L3MBTL3: variants seen among roughly 807,000 people sequenced by gnomAD.
L3MBTL3 encodes the protein lethal(3)malignant brain tumor-like protein 3.
Under a neutral mutation model 102.3 loss-of-function variants are expected in L3MBTL3, and 27 were observed. The observed-to-expected ratio is 0.26, with a 90% CI of 0.19 to 0.36. L3MBTL3 has a LOEUF of 0.36. Ranked by LOEUF, L3MBTL3 falls within the 10% of genes least tolerant of loss-of-function variation. L3MBTL3 has a pLI of 1.00. For missense variants in L3MBTL3, 798 were observed against 955.3 expected (o/e 0.84, Z 2.17); for synonymous variants, 340 against 320.9 (o/e 1.06, Z -0.64).
intron 18 of L3MBTL3, among the ~76,000 whole-genome samples, chr6:130,100,135 A>G (rs758214882): frequency 6.6e-5 from 10 of 151,616 alleles, no homozygotes; most frequent in Non-Finnish European, 1.0e-4. Flanking sequence ...CTAAGCCCCA[A>G]AGGAACTACT....
intron 2 of L3MBTL3, among the ~76,000 whole-genome samples, chr6:130,023,422 A>G (rs574912414): frequency 1.3e-5 from 2 of 152,322 alleles, no homozygotes; most frequent in South Asian, 2.1e-4. Flanking sequence ...GTTCAAGAAG[A>G]GTAAAATCAG....
chr6:130,051,365 G>A lies in L3MBTL3; in HGVS notation c.406G>A (p.Gly136Arg). Residue 136 changes from glycine to arginine, a missense_variant, in exon 6 of 23, where the codon GGA becomes AGA. Transcript: ENST00000361794. ...YGNVDECLSG[G>R]NYCSQNCARH... Reference sequence around the variant, plus strand: ...CAACGTAGATGAGTGTCTTTCTGGAGGAAACTATTGCAGCCAGAATTGTGC... The same window carrying A: ...CAACGTAGATGAGTGTCTTTCTGGAAGAAACTATTGCAGCCAGAATTGTGC... The A allele has an allele frequency of 1.2e-6, 2 of 1,614,076 alleles. No homozygotes were observed. Among genetic ancestry groups the A allele is most frequent in the Non-Finnish European group, 1.7e-6 (2 of 1,179,936 alleles).
At chr6:130,083,806 G>A (rs1275613084) in intron 15 of L3MBTL3, 101 bp downstream of exon 15, 2 of 513,084 alleles carry the variant, frequency 3.9e-6, no homozygotes, top group South Asian at 3.2e-5. Context: ...ATAGGAATGA[G>A]AAAAAAATAG....
intron 3 of L3MBTL3, 128 bp from the exon 4 acceptor site, chr6:130,049,154 T>C (rs1562264319): frequency 1.6e-6 from 1 of 625,532 alleles, no homozygotes; most frequent in South Asian, 2.0e-5. Context: ...TGTATCAGGA[T>C]ATAATTGTCT....
At position 130,140,545 on chromosome 6, in the gene L3MBTL3, T is replaced by C. The variant is rs1429297152; in HGVS notation, c.*792T>C. 2 of 152,270 alleles carry C rather than the reference T, an allele frequency of 1.3e-5. No individual in the cohort carries two copies. The highest frequency in any genetic ancestry group is 2.1e-4 in the South Asian group (1 of 4,826). 9.4% of individuals were successfully genotyped at this position (152,270 alleles called of 1,614,324 possible). ...TCACTCATCTTGGTGCCCCGGTGTT[T>C]ACAAGAGCCAGATGGTGTCAGAGGA... On this transcript the variant is annotated 3_prime_UTR_variant, in exon 23 of 23. Transcript: ENST00000361794.
chr6:130,035,058 G>C (rs1025346495), intron 2 of L3MBTL3, among the ~76,000 whole-genome samples: 1 of 152,000 alleles, frequency 6.6e-6, no homozygotes, highest in Non-Finnish European at 1.5e-5. Context: ...TCAGTTGTTG[G>C]CATTAATAAC....
chr6:130,121,072 A>G (rs1786146026), intron 20 of L3MBTL3, 114 bp downstream of exon 20: 1 of 704,204 alleles, frequency 1.4e-6, no homozygotes. Context: ...TTTATTTTTT[A>G]TTTTTATTGT....
At chr6:130,027,765 G>A (rs1242045155) in intron 2 of L3MBTL3, among the ~76,000 whole-genome samples, 1 of 152,112 alleles carries the variant, frequency 6.6e-6, no homozygotes, top group African/African-American at 2.4e-5. Flanking sequence ...AAAAGAACAA[G>A]AGAGTACTTT....
chr6:130,025,027 C>T (rs1300539227), intron 2 of L3MBTL3, among the ~76,000 whole-genome samples: 1 of 152,132 alleles, frequency 6.6e-6, no homozygotes, highest in African/African-American at 2.4e-5. Context: ...CCTTCACCCA[C>T]AGTCAAGGAA....
At chr6:130,092,134 A>G (rs763975210) in intron 16 of L3MBTL3, among the ~76,000 whole-genome samples, 3 of 152,194 alleles carry the variant, frequency 2.0e-5, no homozygotes, top group Non-Finnish European at 4.4e-5. Flanking sequence ...GTATACCCAT[A>G]ATAATTAAAA....
chr6:130,105,280 C>T (rs558685497), intron 19 of L3MBTL3, among the ~76,000 whole-genome samples: 8 of 152,110 alleles, frequency 5.3e-5, no homozygotes, highest in African/African-American at 1.2e-4. Flanking sequence ...TTATAATTTC[C>T]GTTATTCTGG....
intron 20 of L3MBTL3, among the ~76,000 whole-genome samples, chr6:130,128,912 A>G (rs1015172783): frequency 6.6e-6 from 1 of 152,192 alleles, no homozygotes; most frequent in African/African-American, 2.4e-5. Flanking sequence ...TCCAGAGAGC[A>G]TCTGCTGACC....
chr6:130,042,540 G>C (rs544341698), intron 2 of L3MBTL3, 145 bp from the exon 3 acceptor site: 1 of 494,440 alleles, frequency 2.0e-6, no homozygotes, highest in South Asian at 4.4e-5. Flanking sequence ...TAATATTTTT[G>C]AAGTAGCTGT....
intron 3 of L3MBTL3, among the ~76,000 whole-genome samples, chr6:130,048,951 C>CAG: frequency 7.2e-6 from 1 of 138,978 alleles, no homozygotes; most frequent in South Asian, 2.5e-4. Context: ...AACACACACA[C>CAG]ACACACACAC....
intron 20 of L3MBTL3, among the ~76,000 whole-genome samples, chr6:130,132,889 CTG>C (rs1174977486): frequency 6.6e-6 from 1 of 152,020 alleles, no homozygotes; most frequent in African/African-American, 2.4e-5. Context: ...TGCATTTCTG[CTG>C]TTTTATTTTT....
At chr6:130,101,436 G>A (rs1372916265) in intron 18 of L3MBTL3, among the ~76,000 whole-genome samples, 1 of 152,172 alleles carries the variant, frequency 6.6e-6, no homozygotes, top group Non-Finnish European at 1.5e-5. Context: ...TCCTACTAGG[G>A]AGCCACAAGG....
intron 16 of L3MBTL3, among the ~76,000 whole-genome samples, chr6:130,088,143 T>C (rs893894582): frequency 2.6e-5 from 4 of 152,192 alleles, no homozygotes; most frequent in Non-Finnish European, 4.4e-5. Context: ...TACAACATCC[T>C]GGTCAGTCCA....
At chr6:130,052,396 C>T (rs542350404) in intron 6 of L3MBTL3, among the ~76,000 whole-genome samples, 1 of 152,312 alleles carries the variant, frequency 6.6e-6, no homozygotes, top group East Asian at 1.9e-4. Context: ...TGAGCCACTG[C>T]GCCCAACTGG....
chr6:130,108,220 G>GTTTTTTTTTTTTTTTTTT lies in L3MBTL3; in HGVS notation c.1886+3655_1886+3656insTTTTTTTTTTTTTTTTTT, dbSNP rs376419261. Among the ~76,000 whole-genome samples the GTTTTTTTTTTTTTTTTTT allele has an allele frequency of 1.7e-5, 2 of 118,706 alleles. 1 individual carries two copies. Among genetic ancestry groups the GTTTTTTTTTTTTTTTTTT allele is most frequent in the Non-Finnish European group, 3.6e-5 (2 of 56,150 alleles). The allele number at this position is 118,706 out of a possible 152,430, so 77.9% of individuals were successfully genotyped here. On this transcript the variant is annotated intron_variant, in intron 19 of 22. Transcript: ENST00000361794. ...ATAAGCCCTCAATAAATGTTAGGTG[G>GTTTTTTTTTTTTTTTTTT]TTTTTTTTTTGTTTTTTTTTTTTTT...
Sources: gnomAD v4.1 joint callset for allele counts (sites outside exome capture counted in the v4.1 genomes callset) on GRCh38, gnomAD v4.1.1 for gene constraint, MANE v1.5 for transcripts, NCBI Gene and HGNC (gene_info 2026-07-23, HGNC 2026-07-21) for gene names.